THBS1: variants seen among roughly 807,000 people sequenced by gnomAD.
THBS1 encodes thrombospondin-1.
THBS1 carries 29 observed loss-of-function variants against 126.1 expected under a neutral mutation model. That is an observed-to-expected ratio of 0.23 (90% CI 0.17 to 0.31). The LOEUF is 0.31. Among genes scored for constraint, THBS1 ranks in the 10% least tolerant of loss-of-function variants. The pLI is 1.00. For synonymous variants in THBS1, 496 were observed against 577.8 expected, an observed-to-expected ratio of 0.86 and a Z score of 2.03; for missense variants, 1,198 against 1,545.2, an observed-to-expected ratio of 0.78 and a Z score of 3.77.
intron 9 of THBS1, 149 bp from the exon 10 acceptor site, chr15:39,588,377 T>C (rs965976506): frequency 8.1e-5 from 106 of 1,310,378 alleles, no homozygotes; most frequent in Non-Finnish European, 4.4e-5. Flanking sequence ...GCAACTTCTT[T>C]TAATGAAAAA....
In THBS1 at chr15:39,592,610, A is replaced by C. The variant is rs1422006831; in HGVS notation, c.2575A>C (p.Asn859His). ...CCGCATTGGAGATACCTGTGACAAC[A>C]ATCAGGATATTGATGAAGATGGCCA... Reference protein sequence around the residue: ...SDRIGDTCDNNQDIDEDGHQN... With the variant: ...SDRIGDTCDNHQDIDEDGHQN... Residue 859 changes from asparagine to histidine, a missense_variant, in exon 17 of 22, where the codon AAT becomes CAT. Physicochemically the swap from Asn to His is moderately conservative, Grantham distance 68. Coordinates refer to ENST00000260356, the MANE Select transcript of THBS1 (RefSeq NM_003246.4). This position sits in a 1 kb window ranked among gnomAD's most constrained non-coding sequence, Gnocchi z 4.3. The C allele has an allele frequency of 6.2e-7, 1 of 1,614,032 alleles. No individual in the cohort carries two copies.
At position 39,582,433 on chromosome 15, in the gene THBS1, C is replaced by T. The variant is rs745705348; in HGVS notation, c.308C>T (p.Thr103Met). 22 of 1,613,938 alleles carry T rather than the reference C, an allele frequency of 1.4e-5. No individual in the cohort carries two copies. The highest frequency in any genetic ancestry group is 2.2e-5 in the East Asian group (1 of 44,882). ...SLRQMKKTRGTLLALERKDHS... is the reference protein window; with the variant it reads ...SLRQMKKTRGMLLALERKDHS... ...AGGCAGATGAAGAAGACCCGGGGCA[C>T]GCTGCTGGCCCTGGAGCGGAAAGAC... is the stretch of plus-strand genomic sequence containing the variant. The change falls in exon 3 of 22, where the codon ACG (threonine) becomes ATG (methionine). Residue 103 changes from threonine to methionine, a missense_variant. Thr to Met is a moderately conservative substitution (Grantham distance 81). Around this residue, in one of 4 missense-constraint regions of THBS1, gnomAD observed 271 missense variants for 277.0 expected, o/e 0.98. Transcript: ENST00000260356.
At chr15:39,585,663 C>A in intron 7 of THBS1, 100 bp downstream of exon 7, 1 of 1,095,384 alleles carries the variant, frequency 9.1e-7, no homozygotes, top group Admixed American at 1.9e-5. Flanking sequence ...CCCCCATCTC[C>A]ATCATGCTTC....
At position 39,594,825 on chromosome 15, in the gene THBS1, G is replaced by C. The variant is rs1027417359; in HGVS notation, c.3505+385G>C. ...GAGTTAGCATTCCCAACTTTTCCCT[G>C]TATACAAAGAAGGGAGAGGAATGTT... is the stretch of plus-strand genomic sequence containing the variant. On this transcript the variant is annotated intron_variant, in intron 21 of 21. Transcript: ENST00000260356. This position sits in a 1 kb window ranked among gnomAD's most constrained non-coding sequence, Gnocchi z 4.4. Among the ~76,000 whole-genome samples the C allele has an allele frequency of 2.6e-5, 4 of 152,138 alleles. No individual in the cohort carries two copies. The South Asian group carries it at 8.3e-4, about 32-fold the overall frequency.
intron 3 of THBS1, 51 bp from the exon 4 acceptor site, chr15:39,583,566 A>AACC: frequency 4.2e-6 from 3 of 716,660 alleles, no homozygotes; most frequent in Non-Finnish European, 7.3e-6. Context: ...CCCCAACCCC[A>AACC]TCCCCACCCC....
At position 39,592,723 on chromosome 15, in the gene THBS1, CGAT is replaced by C; in HGVS notation, c.2694_2696del (p.Asp899del). On this transcript the variant is annotated inframe_deletion, in exon 17 of 22. Coordinates refer to ENST00000260356, the MANE Select transcript of THBS1 (RefSeq NM_003246.4). The surrounding 1 kb of genome is among the most constrained non-coding windows in gnomAD (Gnocchi z 4.3). ...ATGGCAAGGGAGATGCCTGTGACCA[CGAT>C]GATGACAACGATGGCATTCCTGATG... is the stretch of plus-strand genomic sequence containing the variant. 6.2e-7 allele frequency: 1 copy of C among 1,614,148 alleles called. No homozygotes were observed. The highest frequency in any genetic ancestry group is 8.5e-7 in the Non-Finnish European group (1 of 1,180,018).
chr15:39,589,946 G>T lies in THBS1; in HGVS notation c.2068G>T (p.Gly690Trp). Residue 690 changes from glycine (G) to tryptophan (W), a missense_variant, in exon 13 of 22, where the codon GGG (glycine) becomes TGG (tryptophan). Gly to Trp is a radical substitution (Grantham distance 184). Transcript: ENST00000260356. The surrounding 1 kb of genome is among the most constrained non-coding windows in gnomAD (Gnocchi z 4.7). ...PGYAGNGIIC[G>W]EDTDLDGWPN... ...CTACGCTGGCAATGGCATCATCTGC[G>T]GGGAGGACACAGACCTGGATGGCTG... 1.2e-6 allele frequency: 2 copies of T among 1,613,972 alleles called. No homozygotes were observed. The highest frequency in any genetic ancestry group is 1.7e-6 in the Non-Finnish European group (2 of 1,179,962).
chr15:39,581,838 TG>T lies in THBS1; in HGVS notation c.-17del, dbSNP rs1192359621. ...GTGCTTCCTGCTACAGGATCCCTGCTGGGCACCAACAGCTCCACCATGGGGC... is the reference window on the plus strand; with the variant it reads ...GTGCTTCCTGCTACAGGATCCCTGCTGGCACCAACAGCTCCACCATGGGGC... On this transcript the variant is annotated 5_prime_UTR_variant, in exon 2 of 22. Coordinates refer to ENST00000260356, the MANE Select transcript of THBS1 (RefSeq NM_003246.4). 6.2e-7 allele frequency: 1 copy of T among 1,612,924 alleles called. No individual in the cohort carries two copies. The highest frequency in any genetic ancestry group is 1.1e-5 in the South Asian group (1 of 91,042).
chr15:39,591,656 G>C, intron 16 of THBS1, 33 bp downstream of exon 16: 1 of 1,572,650 alleles, frequency 6.4e-7, no homozygotes, highest in Non-Finnish European at 8.8e-7. Context: ...GAGTCTTTCA[G>C]TAAACTGTTG....
rs1044463148 is a variant in THBS1, at chr15:39,583,617, G to A, written c.628G>A (p.Gly210Arg). Residue 210 changes from glycine to arginine, a missense_variant and splice_region_variant, in exon 4 of 22, where the codon GGG becomes AGG. This residue lies in a region of THBS1 where 271 missense variants were observed against 277.0 expected (regional missense o/e 0.98). Transcript: ENST00000260356. ...AGTAATGTGTGTCCTCTGCCCACAGGGGGTGCTGCAGAATGTGAGGTTTGT... is the reference window on the plus strand; with the variant it reads ...AGTAATGTGTGTCCTCTGCCCACAGAGGGTGCTGCAGAATGTGAGGTTTGT... ...AKGGVNDNFQGVLQNVRFVFG... is the reference protein window; with the variant it reads ...AKGGVNDNFQRVLQNVRFVFG... 1.9e-6 allele frequency: 3 copies of A among 1,613,402 alleles called. No individual in the cohort carries two copies. Among genetic ancestry groups the A allele is most frequent in the Non-Finnish European group, 2.5e-6 (3 of 1,179,716 alleles).
At chr15:39,590,337 T>C (rs964363020) in intron 13 of THBS1, among the ~76,000 whole-genome samples, 179 bp from the exon 14 acceptor site, 6 of 152,160 alleles carry the variant, frequency 3.9e-5, no homozygotes, top group African/African-American at 1.4e-4. Context: ...TTTACACAAA[T>C]TCTGTATGTA....
chr15:39,581,403 C>T (rs1890100225), intron 1 of THBS1, among the ~76,000 whole-genome samples, 175 bp downstream of exon 1: 1 of 152,212 alleles, frequency 6.6e-6, no homozygotes, highest in African/African-American at 2.4e-5. Context: ...CAGAGCCATC[C>T]TCTCCAGCCT....
In THBS1 at chr15:39,589,161, G is replaced by A; in HGVS notation, c.1774-41G>A. The A allele has an allele frequency of 6.2e-7, 1 of 1,613,094 alleles. No individual in the cohort carries two copies. Among genetic ancestry groups the A allele is most frequent in the Non-Finnish European group, 8.5e-7 (1 of 1,179,138 alleles). ...CCTGTGCAGTCGCTTCCTTATGGCA[G>A]TGACTTCTAAACATGATGCACGCTC... On this transcript the variant is annotated intron_variant, in intron 11 of 21. Coordinates refer to ENST00000260356, the MANE Select transcript of THBS1 (RefSeq NM_003246.4). This position sits in a 1 kb window ranked among gnomAD's most constrained non-coding sequence, Gnocchi z 4.7.
Position 39,584,172 on chromosome 15 carries a change from C to T in THBS1, c.888C>T (p.Asp296=). ...GLRTIVTTLQ[D]SIRKVTEENK... ...GCACCATTGTGACCACGCTGCAGGA[C>T]AGCATCCGCAAAGTGGTCAGTGGCC... is the stretch of plus-strand genomic sequence containing the variant. Residue 296 remains aspartate (D), a synonymous_variant, in exon 5 of 22, where the codon GAC becomes GAT. Transcript: ENST00000260356. 6.2e-7 allele frequency: 1 copy of T among 1,614,148 alleles called. No homozygotes were observed.
rs1306047739 is a variant in THBS1 at position 39,593,073 on chromosome 15, T to C, written c.2841T>C (p.Pro947=). 17 of 1,603,028 alleles carry C rather than the reference T, an allele frequency of 1.1e-5. No individual in the cohort carries two copies. Among genetic ancestry groups the C allele is most frequent in the Non-Finnish European group, 1.4e-5 (17 of 1,174,898 alleles). ...TGCCAGACATCGATGACATCTGTCC[T>C]GAGAATGTTGACATCAGTGAGACCG... is the stretch of plus-strand genomic sequence containing the variant. The part of the protein sequence containing the change: ...DSVPDIDDIC[P]ENVDISETDF... Residue 947 remains proline, a synonymous_variant, in exon 18 of 22, where the codon CCT becomes CCC. Coordinates refer to ENST00000260356, the MANE Select transcript of THBS1 (RefSeq NM_003246.4). The surrounding 1 kb of genome is among the most constrained non-coding windows in gnomAD (Gnocchi z 5.9).
intron 14 of THBS1, 161 bp from the exon 15 acceptor site, chr15:39,591,030 C>A: frequency 1.3e-6 from 1 of 792,074 alleles, no homozygotes; most frequent in Non-Finnish European, 2.0e-6. Context: ...GTCCTTTTAA[C>A]TTTTGTAGTG....
In THBS1 at chr15:39,587,405, G is replaced by T. The variant is rs146738150; in HGVS notation, c.1179G>T (p.Thr393=). The part of the protein sequence containing the change: ...SPWSEWTSCS[T]SCGNGIQQRG... ...GGTCCGAGTGGACCTCCTGTTCTACGAGCTGTGGCAATGGAATTCAGCAGC... is the reference window on the plus strand; with the variant it reads ...GGTCCGAGTGGACCTCCTGTTCTACTAGCTGTGGCAATGGAATTCAGCAGC... The change falls in exon 8 of 22, where the codon ACG becomes ACT. Residue 393 remains threonine (T), a synonymous_variant. Transcript: ENST00000260356. 21 of 1,613,812 alleles carry T rather than the reference G, an allele frequency of 1.3e-5. No individual in the cohort carries two copies. Among genetic ancestry groups the T allele is most frequent in the Non-Finnish European group, 1.7e-5 (20 of 1,180,026 alleles).
At position 39,591,247 on chromosome 15, in the gene THBS1, G is replaced by C. The variant is rs1265972311; in HGVS notation, c.2310G>C (p.Val770=). The part of the protein sequence containing the change: ...PAQYDYDRDD[V]GDRCDNCPYN... ...AGTATGACTATGACAGAGATGATGTGGGAGACCGCTGTGACAACTGTCCCT... is the reference window on the plus strand; with the variant it reads ...AGTATGACTATGACAGAGATGATGTCGGAGACCGCTGTGACAACTGTCCCT... The change falls in exon 15 of 22, where the codon GTG becomes GTC. Residue 770 remains valine, a synonymous_variant. Coordinates refer to ENST00000260356, the MANE Select transcript of THBS1 (RefSeq NM_003246.4). The C allele has an allele frequency of 1.2e-6, 2 of 1,614,160 alleles. No individual in the cohort carries two copies. The highest frequency in any genetic ancestry group is 1.7e-6 in the Non-Finnish European group (2 of 1,180,034).
intron 4 of THBS1, 126 bp downstream of exon 4, chr15:39,583,818 A>G (rs965523970): frequency 8.1e-7 from 1 of 1,232,822 alleles, no homozygotes; most frequent in African/African-American, 1.5e-5. Flanking sequence ...AGAGGCATAC[A>G]GAAGTGACTC....
Sources: allele counts gnomAD v4.1 joint callset (sites outside exome capture counted in the v4.1 genomes callset), GRCh38; gene constraint gnomAD v4.1.1; regional missense constraint gnomAD v4.1.1; non-coding constraint Gnocchi (gnomAD v3.1); transcripts MANE v1.5; gene names NCBI Gene and HGNC (gene_info 2026-07-23, HGNC 2026-07-21).